Variants in EFR3A observed in about 807,000 individuals in gnomAD.
The protein encoded by EFR3A is protein EFR3 homolog A.
EFR3A carries 76 observed loss-of-function variants against 104.4 expected under a neutral mutation model. That is an observed-to-expected ratio of 0.73 (90% CI 0.60 to 0.88). The LOEUF is 0.88. EFR3A is among the 40% of genes least tolerant of loss of function. EFR3A has a pLI of 0.00. For missense variants in EFR3A, 985 were observed against 1,012.5 expected (o/e 0.97, Z 0.37); for synonymous variants, 330 against 330.0 (o/e 1.00, Z 0.00).
chr8:131,996,048 A>C lies in EFR3A; in HGVS notation c.2066-358A>C, dbSNP rs534051228. On this transcript the variant is annotated intron_variant, in intron 18 of 22. Transcript: ENST00000254624. ...AGGGCAATATTGTCAGTTTTCATTTAGGCTAAATGTATTAAGTTTAGATTA... is the reference window on the plus strand; with the variant it reads ...AGGGCAATATTGTCAGTTTTCATTTCGGCTAAATGTATTAAGTTTAGATTA... Among the ~76,000 whole-genome samples the C allele has an allele frequency of 1.8e-3, 275 of 152,312 alleles. 2 individuals carry two copies. Among genetic ancestry groups the C allele is most frequent in the African/African-American group, 6.4e-3 (267 of 41,572 alleles).
chr8:131,906,776 A>G (rs1024312689), intron 1 of EFR3A, among the ~76,000 whole-genome samples: 1 of 152,222 alleles, frequency 6.6e-6, no homozygotes. Flanking sequence ...GTAGTCTGAA[A>G]CAATCCTTAG....
Position 132,002,631 on chromosome 8 carries a change from G to T in EFR3A, c.2235G>T (p.Lys745Asn). 6.2e-7 allele frequency: 1 copy of T among 1,613,654 alleles called. No individual in the cohort carries two copies. The highest frequency in any genetic ancestry group is 8.5e-7 in the Non-Finnish European group (1 of 1,179,672). Residue 745 changes from lysine (K) to asparagine (N), a missense_variant, in exon 21 of 23, where the codon AAG becomes AAT. Coordinates refer to ENST00000254624, the MANE Select transcript of EFR3A (RefSeq NM_015137.6). ...CCAGTGGAATGGAAGAACAGGAAAA[G>T]GAAAAGAGGCGTCTTGTGATAGAGA... ...IDTSGMEEQEKEKRRLVIEKF... is the reference protein window; with the variant it reads ...IDTSGMEEQENEKRRLVIEKF...
chr8:131,972,726 C>G (rs1013084823), intron 10 of EFR3A, among the ~76,000 whole-genome samples: 1 of 151,964 alleles, frequency 6.6e-6, no homozygotes, highest in African/African-American at 2.4e-5. Context: ...AATTTCTAAC[C>G]TAATAATAGT....
intron 1 of EFR3A, among the ~76,000 whole-genome samples, chr8:131,937,605 T>C (rs1461065047): frequency 2.0e-5 from 3 of 152,176 alleles, no homozygotes; most frequent in African/African-American, 7.2e-5. Context: ...GGAATTAATT[T>C]ATTTTTACTG....
chr8:132,004,516 C>G (rs991072203), intron 22 of EFR3A, among the ~76,000 whole-genome samples: 1 of 152,182 alleles, frequency 6.6e-6, no homozygotes, highest in African/African-American at 2.4e-5. Context: ...CCCCCAGTCC[C>G]CATCCTTGGA....
intron 14 of EFR3A, among the ~76,000 whole-genome samples, chr8:131,981,880 G>A (rs181834561): frequency 6.6e-6 from 1 of 152,090 alleles, no homozygotes; most frequent in Non-Finnish European, 1.5e-5. Context: ...CTAGTGAAGC[G>A]TATTCTTCCA....
chr8:131,981,239 TA>T (rs1820597911), intron 14 of EFR3A, among the ~76,000 whole-genome samples: 1 of 152,048 alleles, frequency 6.6e-6, no homozygotes, highest in Non-Finnish European at 1.5e-5. Flanking sequence ...TTATCCATTA[TA>T]AGTTATAGAA....
rs1227400221 is a variant in EFR3A at position 131,977,094 on chromosome 8, T to G, written c.1326+2T>G. On this transcript the variant is annotated splice_donor_variant, in intron 12 of 22. Coordinates refer to ENST00000254624, the MANE Select transcript of EFR3A (RefSeq NM_015137.6). LOFTEE classifies it high-confidence loss of function. ...ATGTTGCTGAGATCTTTGCTTATGG[T>G]AAGGCATTTAAGACAAATAAAGGAC... 6.3e-7 allele frequency: 1 copy of G among 1,596,242 alleles called. No individual in the cohort carries two copies. The highest frequency in any genetic ancestry group is 1.1e-5 in the South Asian group (1 of 87,506).
rs116829546 is a variant in EFR3A, at chr8:132,007,694, T to G, written c.2361-3096T>G. Reference sequence around the variant, plus strand: ...AAAAGGAAAAATAAAGTTGAAGAATTTACACTGCCTAATTTCAATACTTGA... The same window carrying G: ...AAAAGGAAAAATAAAGTTGAAGAATGTACACTGCCTAATTTCAATACTTGA... On this transcript the variant is annotated intron_variant, in intron 22 of 22. Coordinates refer to ENST00000254624, the MANE Select transcript of EFR3A (RefSeq NM_015137.6). Among the ~76,000 whole-genome samples, 1,020 of 151,950 alleles carry G rather than the reference T, an allele frequency of 6.7e-3. 10 individuals carry two copies. Among genetic ancestry groups the G allele is most frequent in the African/African-American group, 0.023 (942 of 41,494 alleles).
At chr8:131,985,191 TA>T (rs1820815012) in intron 16 of EFR3A, 131 bp downstream of exon 16, 1 of 925,286 alleles carries the variant, frequency 1.1e-6, no homozygotes, top group Non-Finnish European at 1.6e-6. Context: ...CTACAGCCAG[TA>T]AACTGAAACT....
chr8:131,988,000 TTAAA>T (rs1453523381), intron 18 of EFR3A, among the ~76,000 whole-genome samples: 2 of 152,262 alleles, frequency 1.3e-5, no homozygotes, highest in Admixed American at 1.3e-4. Flanking sequence ...TCTTTTCTCA[TTAAA>T]TGATATTCTA....
At chr8:131,956,888 A>G (rs1000655612) in intron 7 of EFR3A, among the ~76,000 whole-genome samples, 6 of 152,146 alleles carry the variant, frequency 3.9e-5, no homozygotes, top group African/African-American at 1.4e-4. Flanking sequence ...CTAAAGGCAA[A>G]TTTATTTTTT....
In EFR3A at chr8:131,970,538, G is replaced by A. The variant is rs146057616; in HGVS notation, c.1054G>A (p.Glu352Lys). The A allele has an allele frequency of 7.8e-5, 126 of 1,613,760 alleles. No individual in the cohort carries two copies. Among genetic ancestry groups the A allele is most frequent in the African/African-American group, 9.3e-5 (7 of 74,902 alleles). Residue 352 changes from glutamate to lysine, a missense_variant, in exon 10 of 23, where the codon GAA becomes AAA. Physicochemically the swap from Glu to Lys is moderately conservative, Grantham distance 56. Coordinates refer to ENST00000254624, the MANE Select transcript of EFR3A (RefSeq NM_015137.6). ...LKHLRLSVEF[E>K]ANDLQGGSVG... is the part of the protein sequence containing the mutation. ...ACATCTGCGTCTCAGCGTTGAATTC[G>A]AAGCAAATGATTTACAGGGGGGATC...
chr8:131,999,340 A>G (rs1821668950), intron 19 of EFR3A, among the ~76,000 whole-genome samples: 1 of 152,134 alleles, frequency 6.6e-6, no homozygotes, highest in South Asian at 2.1e-4. Flanking sequence ...TATTAGTCAC[A>G]CTCTGTGGTG....
intron 1 of EFR3A, among the ~76,000 whole-genome samples, chr8:131,912,602 A>T (rs888707207): frequency 3.9e-5 from 6 of 152,188 alleles, no homozygotes; most frequent in African/African-American, 1.4e-4. Flanking sequence ...TTGGGGATCT[A>T]TCCTTTTTCT....
intron 8 of EFR3A, among the ~76,000 whole-genome samples, chr8:131,965,559 C>T (rs1237093253): frequency 1.3e-5 from 2 of 152,152 alleles, no homozygotes; most frequent in Non-Finnish European, 2.9e-5. Context: ...AGTCAGGAAA[C>T]AACAGGTGCT....
In EFR3A at chr8:131,979,376, A is replaced by G; in HGVS notation, c.1530A>G (p.Ile510Met). The part of the protein sequence containing the change: ...RIIPDVADLK[I>M]KREKICRQDT... ...TACCGGATGTAGCTGACCTAAAGAT[A>G]AAAAGAGAAAAAATTTGCAGACAAG... The change falls in exon 14 of 23, where the codon ATA becomes ATG. Residue 510 changes from isoleucine to methionine, a missense_variant. By Grantham distance (10) the Ile-to-Met change is conservative (BLOSUM62 1). Transcript: ENST00000254624. The G allele has an allele frequency of 6.4e-7, 1 of 1,567,656 alleles. No homozygotes were observed. Among genetic ancestry groups the G allele is most frequent in the Non-Finnish European group, 8.7e-7 (1 of 1,154,766 alleles).
At position 132,011,775 on chromosome 8, in the gene EFR3A, T is replaced by C. The variant is rs1822356666; in HGVS notation, c.*880T>C. 6.6e-6 allele frequency: 1 copy of C among 152,524 alleles called. No homozygotes were observed. The highest frequency in any genetic ancestry group is 1.5e-5 in the Non-Finnish European group (1 of 68,038). The allele number at this position is 152,524 out of a possible 1,614,324, so 9.4% of individuals were successfully genotyped here. On this transcript the variant is annotated 3_prime_UTR_variant, in exon 23 of 23. Coordinates refer to ENST00000254624, the MANE Select transcript of EFR3A (RefSeq NM_015137.6). ...TTCACCTGTGAAGAGTCTGTACATTTTGATTTCTATTAAGAGCACATTTAT... is the reference window on the plus strand; with the variant it reads ...TTCACCTGTGAAGAGTCTGTACATTCTGATTTCTATTAAGAGCACATTTAT...
At chr8:131,966,980 C>T (rs762564099) in intron 8 of EFR3A, among the ~76,000 whole-genome samples, 3 of 152,042 alleles carry the variant, frequency 2.0e-5, no homozygotes, top group South Asian at 2.1e-4. Context: ...TTAGTATAGT[C>T]GTACTTTATA....
Sources: allele counts gnomAD v4.1 joint callset (sites outside exome capture counted in the v4.1 genomes callset), GRCh38; gene constraint gnomAD v4.1.1; transcripts MANE v1.5; gene names NCBI Gene and HGNC (gene_info 2026-07-23, HGNC 2026-07-21).